DNAH7: variants seen among roughly 807,000 people sequenced by gnomAD.
DNAH7 encodes axonemal beta dynein heavy chain 7.
DNAH7 carries 397 observed loss-of-function variants against 444.6 expected under a neutral mutation model. The observed-to-expected ratio is 0.89, with a 90% CI of 0.82 to 0.97. The LOEUF (loss-of-function observed/expected upper bound fraction) is 0.97, where lower values mean the gene tolerates loss of function less well. DNAH7 is among the 50% of genes least tolerant of loss of function. DNAH7 has a pLI of 0.00. For synonymous variants in DNAH7, 1,636 were observed against 1,624.4 expected (o/e 1.01, Z -0.17); for missense variants, 4,902 against 4,800.8 (o/e 1.02, Z -0.62).
chr2:195,914,454 C>T (rs1687547332), intron 24 of DNAH7, among the ~76,000 whole-genome samples: 1 of 152,184 alleles, frequency 6.6e-6, no homozygotes. Context: ...TGTATAGGTT[C>T]TTCAAGTGAT....
chr2:195,972,256 G>C lies in DNAH7; in HGVS notation c.2044C>G (p.Gln682Glu). 6.2e-7 allele frequency: 1 copy of C among 1,613,228 alleles called. No homozygotes were observed. Among genetic ancestry groups the C allele is most frequent in the South Asian group, 1.1e-5 (1 of 91,028 alleles). The change falls in exon 16 of 65, where the codon CAA (glutamine) becomes GAA (glutamate). Residue 682 changes from glutamine to glutamate, a missense_variant. Gln to Glu is a conservative substitution (Grantham distance 29). Transcript: ENST00000312428. ...KIIKEKIEQY[Q>E]EGLKLRCERF... ...AAGATGCCAACCTTCAGACCTTCTTGATATTGTTCTATTTTCTCTTTAATG... is the reference window on the plus strand; with the variant it reads ...AAGATGCCAACCTTCAGACCTTCTTCATATTGTTCTATTTTCTCTTTAATG...
chr2:196,006,142 T>C (rs934700937), intron 10 of DNAH7, among the ~76,000 whole-genome samples: 2 of 152,036 alleles, frequency 1.3e-5, no homozygotes, highest in Non-Finnish European at 2.9e-5. Flanking sequence ...AGTGAGACCT[T>C]GTCTCTACAA....
chr2:195,789,226 C>T (rs748271594), intron 57 of DNAH7, among the ~76,000 whole-genome samples: 20 of 151,734 alleles, frequency 1.3e-4, no homozygotes, highest in Non-Finnish European at 2.8e-4. Context: ...TGAAGGAGCC[C>T]TAACTGACCA....
intron 61 of DNAH7, among the ~76,000 whole-genome samples, chr2:195,763,863 T>G (rs1694455534): frequency 1.3e-5 from 2 of 151,850 alleles, no homozygotes; most frequent in South Asian, 4.2e-4. Context: ...AGGGAATAAT[T>G]ACAAACTTAT....
chr2:195,774,178 G>T (rs1694964429), intron 60 of DNAH7, among the ~76,000 whole-genome samples: 1 of 152,200 alleles, frequency 6.6e-6, no homozygotes, highest in African/African-American at 2.4e-5. Flanking sequence ...ATTCTGTAAT[G>T]TGGCACACCC....
At position 196,012,881 on chromosome 2, in the gene DNAH7, C is replaced by G. The variant is rs779771239; in HGVS notation, c.895G>C (p.Glu299Gln). The G allele has an allele frequency of 6.6e-7, 1 of 1,520,044 alleles. No homozygotes were observed. The highest frequency in any genetic ancestry group is 8.8e-7 in the Non-Finnish European group (1 of 1,135,248). 94.2% of individuals were successfully genotyped at this position (1,520,044 alleles called of 1,614,324 possible). ...AATGCATCCTGGCAATTATGAAATT[C>G]TTTGATATCAACTAAACGTAATTTT... ...FKKLRLVDIK[E>Q]FHNCQDALEL... Residue 299 changes from glutamate (E) to glutamine (Q), a missense_variant, in exon 10 of 65, where the codon GAA (glutamate) becomes CAA (glutamine). By Grantham distance (29) the Glu-to-Gln change is conservative (BLOSUM62 2). Coordinates refer to ENST00000312428, the MANE Select transcript of DNAH7 (RefSeq NM_018897.3).
At chr2:195,873,946 C>A (rs2125136062) in intron 38 of DNAH7, among the ~76,000 whole-genome samples, 1 of 152,222 alleles carries the variant, frequency 6.6e-6, no homozygotes, top group African/African-American at 2.4e-5. Context: ...AACTATATTA[C>A]TAAGGGAAAT....
intron 17 of DNAH7, among the ~76,000 whole-genome samples, chr2:195,966,505 G>T (rs997233357): frequency 7.3e-5 from 11 of 151,410 alleles, no homozygotes; most frequent in Admixed American, 3.9e-4. Context: ...TTTCTTTGTT[G>T]GTTTTCTGTC....
intron 47 of DNAH7, among the ~76,000 whole-genome samples, chr2:195,836,437 C>T (rs999178041): frequency 6.6e-6 from 1 of 151,420 alleles, no homozygotes; most frequent in Non-Finnish European, 1.5e-5. Context: ...CTTGAGTTTG[C>T]AGTGAGCTGG....
At chr2:195,852,269 A>C (rs1699419784) in intron 46 of DNAH7, among the ~76,000 whole-genome samples, 1 of 152,030 alleles carries the variant, frequency 6.6e-6, no homozygotes, top group African/African-American at 2.4e-5. Context: ...AAAACAAACA[A>C]ACAAACAAAA....
chr2:195,862,589 T>A (rs1551838), intron 41 of DNAH7, among the ~76,000 whole-genome samples: 1 of 151,984 alleles, frequency 6.6e-6, no homozygotes, highest in East Asian at 1.9e-4. Context: ...TGAACTGTTA[T>A]ACCACTTCCC....
intron 15 of DNAH7, among the ~76,000 whole-genome samples, chr2:195,974,714 A>G (rs1349380406): frequency 6.6e-6 from 1 of 150,692 alleles, no homozygotes; most frequent in African/African-American, 2.5e-5. Context: ...TATAAAATAT[A>G]AAAATATTCT....
At position 195,766,167 on chromosome 2, in the gene DNAH7, A is replaced by ATTTTTTTTTTTTTTT. The variant is rs755912873; in HGVS notation, c.11433+5478_11433+5492dup. 1.2e-3 allele frequency among the ~76,000 whole-genome samples: 68 copies of ATTTTTTTTTTTTTTT among 57,328 alleles called. 6 individuals are homozygous for ATTTTTTTTTTTTTTT. The highest frequency in any genetic ancestry group is 2.7e-3 in the African/African-American group (46 of 16,904). 37.6% of individuals were successfully genotyped at this position (57,328 alleles called of 152,430 possible). On this transcript the variant is annotated intron_variant, in intron 61 of 64. Transcript: ENST00000312428. The stretch of plus-strand genomic sequence containing the variant: ...GTTCTCGTTTAATTTGTGGGAGCTA[A>ATTTTTTTTTTTTTTT]TTTTTTTTTTTTTTTTTTTTTTTTG...
chr2:195,884,230 A>G (rs1341604484), intron 35 of DNAH7, among the ~76,000 whole-genome samples: 3 of 152,246 alleles, frequency 2.0e-5, no homozygotes, highest in Non-Finnish European at 4.4e-5. Context: ...CTTAGTGCCT[A>G]GTATACTAAC....
chr2:195,930,845 C>T (rs1046415871), intron 21 of DNAH7, among the ~76,000 whole-genome samples: 2 of 152,076 alleles, frequency 1.3e-5, no homozygotes, highest in Non-Finnish European at 2.9e-5. Flanking sequence ...TATGCAGCCA[C>T]AAAAATAATG....
At chr2:195,815,296 CA>C (rs888330006) in intron 51 of DNAH7, among the ~76,000 whole-genome samples, 8 of 151,382 alleles carry the variant, frequency 5.3e-5, no homozygotes, top group Admixed American at 1.3e-4. Flanking sequence ...GCATTTCTTC[CA>C]AAAAAAATTA....
intron 19 of DNAH7, among the ~76,000 whole-genome samples, chr2:195,945,921 G>A (rs536455846): frequency 6.0e-4 from 92 of 152,228 alleles, no homozygotes; most frequent in Non-Finnish European, 7.4e-5. Flanking sequence ...CCATCTGGTG[G>A]GTAATTAACT....
intron 58 of DNAH7, among the ~76,000 whole-genome samples, chr2:195,778,677 C>CACACATATACATACACATATATATAT (rs1695215619): frequency 2.6e-5 from 2 of 76,958 alleles, no homozygotes; most frequent in African/African-American, 7.3e-5. Context: ...TATACACACA[C>CACACATATACATACACATATATATAT]ACACATATAT....
intron 21 of DNAH7, among the ~76,000 whole-genome samples, chr2:195,928,154 T>C (rs1437000697): frequency 1.3e-5 from 2 of 152,106 alleles, no homozygotes; most frequent in African/African-American, 2.4e-5. Context: ...AGCTCCCACT[T>C]ATAAGTGAGA....
Sources: allele counts gnomAD v4.1 joint callset (sites outside exome capture counted in the v4.1 genomes callset), GRCh38; gene constraint gnomAD v4.1.1; transcripts MANE v1.5; gene names NCBI Gene and HGNC (gene_info 2026-07-23, HGNC 2026-07-21).